The following FGGY variants were observed in gnomAD, a reference collection of about 807,000 sequenced individuals.
The protein encoded by FGGY is FGGY carbohydrate kinase domain containing, also known as FGGY carbohydrate kinase domain-containing protein.
A neutral mutation model predicts 71.3 loss-of-function variants in FGGY; 72 were observed. The observed-to-expected ratio is 1.01, with a 90% CI of 0.84 to 1.23. The LOEUF is 1.23. Among genes scored for constraint, FGGY ranks in the 50% most tolerant of loss-of-function variants. The pLI, the probability that FGGY is intolerant of heterozygous loss-of-function variation, is 0.00. For synonymous variants in FGGY, 251 were observed against 250.3 expected, an observed-to-expected ratio of 1.00 and a Z score of -0.02; for missense variants, 668 against 682.3, an observed-to-expected ratio of 0.98 and a Z score of 0.23.
chr1:59,658,470 G>T (rs1180032582), intron 11 of FGGY, among the ~76,000 whole-genome samples: 3 of 152,174 alleles, frequency 2.0e-5, no homozygotes, highest in Non-Finnish European at 4.4e-5. Flanking sequence ...AAGAAAAACT[G>T]TCAGCAGGTA....
At chr1:59,426,929 A>G (rs1004640043) in intron 5 of FGGY, among the ~76,000 whole-genome samples, 3 of 151,426 alleles carry the variant, frequency 2.0e-5, no homozygotes, top group African/African-American at 7.3e-5. Flanking sequence ...AGCTTTGATT[A>G]TTATGATCAT....
At chr1:59,745,020 ATCTG>A (rs1158243728) in intron 14 of FGGY, among the ~76,000 whole-genome samples, 2 of 152,142 alleles carry the variant, frequency 1.3e-5, no homozygotes, top group Non-Finnish European at 2.9e-5. Flanking sequence ...CTGTCACTCT[ATCTG>A]TCTGACCTCT....
At chr1:59,568,361 C>T (rs2095912800) in intron 8 of FGGY, among the ~76,000 whole-genome samples, 1 of 150,282 alleles carries the variant, frequency 6.7e-6, no homozygotes, top group Non-Finnish European at 1.5e-5. Context: ...GGAATGGCCA[C>T]ATCTCCCTCT....
At chr1:59,306,677 G>A (rs1048208357) in intron 1 of FGGY, among the ~76,000 whole-genome samples, 2 of 152,158 alleles carry the variant, frequency 1.3e-5, no homozygotes, top group Non-Finnish European at 2.9e-5. Flanking sequence ...GAAGACAGAG[G>A]ATTAGAGAGT....
At chr1:59,578,983 C>T (rs1003017956) in intron 8 of FGGY, among the ~76,000 whole-genome samples, 2 of 152,148 alleles carry the variant, frequency 1.3e-5, no homozygotes, top group Non-Finnish European at 2.9e-5. Context: ...CACAGCTTCT[C>T]AAGTGCTGTA....
chr1:59,392,147 C>A (rs1001991308), intron 5 of FGGY, among the ~76,000 whole-genome samples: 3 of 152,124 alleles, frequency 2.0e-5, no homozygotes, highest in Non-Finnish European at 4.4e-5. Context: ...TCTTTGTGAA[C>A]TCTTAAATTC....
intron 8 of FGGY, among the ~76,000 whole-genome samples, chr1:59,578,329 G>C (rs1339167251): frequency 1.3e-5 from 2 of 151,992 alleles, no homozygotes; most frequent in African/African-American, 2.4e-5. Context: ...CTTTGGACAG[G>C]CACCACACCC....
chr1:59,650,116 G>T (rs2097142287), intron 11 of FGGY, among the ~76,000 whole-genome samples: 2 of 148,302 alleles, frequency 1.3e-5, no homozygotes, highest in Admixed American at 1.3e-4. Context: ...GATCATGGTG[G>T]ATAAGCTTTT....
At chr1:59,473,522 T>G (rs2093097970) in intron 6 of FGGY, among the ~76,000 whole-genome samples, 1 of 152,114 alleles carries the variant, frequency 6.6e-6, no homozygotes, top group South Asian at 2.1e-4. Context: ...GGGAAATGGC[T>G]TCCAAGGCAG....
intron 14 of FGGY, among the ~76,000 whole-genome samples, chr1:59,721,766 C>T (rs1353544289): frequency 6.6e-6 from 1 of 151,580 alleles, no homozygotes; most frequent in East Asian, 1.9e-4. Context: ...TTTATTTGTT[C>T]ACCAGTTTGG....
At chr1:59,490,191 C>T (rs2093783637) in intron 6 of FGGY, among the ~76,000 whole-genome samples, 1 of 152,122 alleles carries the variant, frequency 6.6e-6, no homozygotes, top group Admixed American at 6.5e-5. Context: ...GCTGAGACTA[C>T]AGATGCACAC....
chr1:59,513,863 A>C (rs1384158182), intron 7 of FGGY, among the ~76,000 whole-genome samples: 3 of 152,210 alleles, frequency 2.0e-5, no homozygotes, highest in African/African-American at 7.2e-5. Flanking sequence ...TCTACATACT[A>C]CATGGATTTC....
chr1:59,378,598 T>C (rs2058963461), intron 4 of FGGY, 151 bp from the exon 5 acceptor site: 4 of 601,374 alleles, frequency 6.7e-6, no homozygotes, highest in Non-Finnish European at 1.2e-5. Context: ...GTACTGCTTT[T>C]ATATTATTCC....
chr1:59,398,872 T>G (rs1480290209), intron 5 of FGGY, among the ~76,000 whole-genome samples: 1 of 152,218 alleles, frequency 6.6e-6, no homozygotes, highest in South Asian at 2.1e-4. Flanking sequence ...CTCAAAGAAC[T>G]CAAAACAGTG....
intron 6 of FGGY, among the ~76,000 whole-genome samples, chr1:59,505,559 T>A (rs1209822139): frequency 6.6e-6 from 1 of 152,176 alleles, no homozygotes; most frequent in African/African-American, 2.4e-5. Context: ...CAGGGTCACA[T>A]GCCACCCATG....
At chr1:59,403,911 T>A (rs1329436062) in intron 5 of FGGY, among the ~76,000 whole-genome samples, 2 of 152,212 alleles carry the variant, frequency 1.3e-5, no homozygotes, top group African/African-American at 2.4e-5. Context: ...AGGACATGCC[T>A]CACAGGGTGG....
intron 6 of FGGY, among the ~76,000 whole-genome samples, chr1:59,473,724 A>G (rs1281165888): frequency 6.6e-6 from 1 of 152,054 alleles, no homozygotes; most frequent in Admixed American, 6.6e-5. Flanking sequence ...CCGATTAGAG[A>G]CTCAACATGG....
intron 13 of FGGY, among the ~76,000 whole-genome samples, chr1:59,669,644 C>T (rs1008451145): frequency 1.4e-5 from 2 of 145,564 alleles, no homozygotes; most frequent in African/African-American, 5.1e-5. Flanking sequence ...ATCCACCCGC[C>T]TTGGCCTCCC....
intron 8 of FGGY, among the ~76,000 whole-genome samples, chr1:59,604,227 G>A (rs1377845088): frequency 1.3e-5 from 2 of 152,182 alleles, no homozygotes; most frequent in Non-Finnish European, 1.5e-5. Flanking sequence ...CAGCATGGAA[G>A]GGGCTTTCAC....
Sources: gnomAD v4.1 joint callset for allele counts (sites outside exome capture counted in the v4.1 genomes callset) on GRCh38, gnomAD v4.1.1 for gene constraint, MANE v1.5 for transcripts, NCBI Gene and HGNC (gene_info 2026-07-23, HGNC 2026-07-21) for gene names.